CWC27: variants seen among roughly 807,000 people sequenced by gnomAD.
The protein encoded by CWC27 is spliceosome-associated protein CWC27 homolog.
A neutral mutation model predicts 63.6 loss-of-function variants in CWC27; 47 were observed. The observed-to-expected ratio is 0.74, with a 90% CI of 0.58 to 0.94. The LOEUF (loss-of-function observed/expected upper bound fraction) is 0.94. CWC27 is among the 40% of genes least tolerant of loss of function. The pLI is 0.00. For synonymous variants in CWC27, 175 were observed against 179.8 expected (o/e 0.97, Z 0.22); for missense variants, 495 against 554.3 (o/e 0.89, Z 1.07).
chr5:64,944,621 G>A (rs962491518), intron 11 of CWC27, among the ~76,000 whole-genome samples: 1 of 152,134 alleles, frequency 6.6e-6, no homozygotes, highest in Admixed American at 6.5e-5. Context: ...CCCTGTCTCA[G>A]TTAATTTTGG....
chr5:64,932,538 A>G (rs1748259389), intron 11 of CWC27, among the ~76,000 whole-genome samples: 1 of 152,160 alleles, frequency 6.6e-6, no homozygotes, highest in African/African-American at 2.4e-5. Context: ...CTTACTTGAC[A>G]TTGTTTAGAA....
At chr5:64,927,692 C>T (rs1173246388) in intron 11 of CWC27, among the ~76,000 whole-genome samples, 1 of 152,110 alleles carries the variant, frequency 6.6e-6, no homozygotes, top group Non-Finnish European at 1.5e-5. Context: ...CTTCCCTGAC[C>T]TCAAAGAATT....
intron 13 of CWC27, among the ~76,000 whole-genome samples, chr5:64,985,007 T>C (rs1353558405): frequency 6.6e-6 from 1 of 152,222 alleles, no homozygotes; most frequent in Non-Finnish European, 1.5e-5. Context: ...TTTCTTCATA[T>C]GGATGTCCAA....
rs1386203717 is a variant in CWC27 at position 64,900,988 on chromosome 5, CT to C, written c.1042+15448del. Among the ~76,000 whole-genome samples the C allele has an allele frequency of 5.3e-5, 8 of 151,292 alleles. No homozygotes were observed. The East Asian group carries it at 1.2e-3, about 22-fold the overall frequency. On this transcript the variant is annotated intron_variant, in intron 11 of 13. Transcript: ENST00000381070. ...TAAACCTTCTTAAAACATTATGAGA[CT>C]TTTTTGTGATTTTTTTTTTTTAGCT...
chr5:64,892,284 G>A (rs1747257515), intron 11 of CWC27, among the ~76,000 whole-genome samples: 1 of 151,820 alleles, frequency 6.6e-6, no homozygotes, highest in Non-Finnish European at 1.5e-5. Flanking sequence ...TAATATCTGT[G>A]TCATTCCTGA....
chr5:64,941,692 A>AT (rs1369393841), intron 11 of CWC27, among the ~76,000 whole-genome samples: 1 of 152,012 alleles, frequency 6.6e-6, no homozygotes, highest in Non-Finnish European at 1.5e-5. Flanking sequence ...TTACACTTTC[A>AT]TTTTTTAAAT....
intron 13 of CWC27, among the ~76,000 whole-genome samples, chr5:64,992,810 G>T (rs1749561822): frequency 6.6e-6 from 1 of 151,898 alleles, no homozygotes; most frequent in Non-Finnish European, 1.5e-5. Context: ...TGGGATTACA[G>T]GCGTGAGCCA....
At position 64,840,387 on chromosome 5, in the gene CWC27, AAAAAAAAATATATATATATATATATATAT is replaced by A. The variant is rs1325678547; in HGVS notation, c.938+36003_938+36031del. 4.2e-3 allele frequency among the ~76,000 whole-genome samples: 222 copies of A among 52,928 alleles called. 9 individuals are homozygous for A. The highest frequency in any genetic ancestry group is 0.01 in the East Asian group (21 of 2,070). The allele number at this position is 52,928 out of a possible 152,430, so 34.7% of individuals were successfully genotyped here. A position where few individuals can be genotyped will look rare whatever the true frequency, so the allele number is the denominator to read the frequency against. On this transcript the variant is annotated intron_variant, in intron 10 of 13. Coordinates refer to ENST00000381070, the MANE Select transcript of CWC27 (RefSeq NM_005869.4). ...TAAAAAAAAAAAAAAAAAAAAAAAA[AAAAAAAAATATATATATATATATATATAT>A]ATATATATATATATACTTATTAAGG...
chr5:64,803,101 A>G (rs556313087), intron 9 of CWC27, among the ~76,000 whole-genome samples: 40 of 152,292 alleles, frequency 2.6e-4, no homozygotes, highest in African/African-American at 9.4e-4. Context: ...TTTTGGTTCA[A>G]TAAGTCTGCA....
intron 7 of CWC27, among the ~76,000 whole-genome samples, chr5:64,792,829 C>T (rs1744128629): frequency 6.6e-6 from 1 of 152,242 alleles, no homozygotes; most frequent in Middle Eastern, 3.4e-3. Context: ...TCCCCTGACA[C>T]CCTGTGAGCT....
intron 13 of CWC27, among the ~76,000 whole-genome samples, chr5:64,983,191 A>G (rs1309571): frequency 0.013 from 1,995 of 152,316 alleles, 24 homozygotes; most frequent in Non-Finnish European, 0.021. Context: ...GAATATATCT[A>G]TTAATAATAT....
At chr5:64,779,356 A>T (rs982383625) in intron 2 of CWC27, among the ~76,000 whole-genome samples, 5 of 152,098 alleles carry the variant, frequency 3.3e-5, no homozygotes, top group Non-Finnish European at 7.4e-5. Context: ...CTTTGTTGCT[A>T]TTTGCTTTTT....
chr5:64,870,005 A>T (rs1580690613), intron 10 of CWC27, among the ~76,000 whole-genome samples: 1 of 152,208 alleles, frequency 6.6e-6, no homozygotes, highest in African/African-American at 2.4e-5. Flanking sequence ...AATGAGAGTG[A>T]AAAGGTATTA....
At chr5:64,980,442 A>G (rs950216455) in intron 13 of CWC27, among the ~76,000 whole-genome samples, 10 of 152,196 alleles carry the variant, frequency 6.6e-5, no homozygotes, top group Non-Finnish European at 1.5e-4. Context: ...AAAGATAGCC[A>G]CCTGCTCCTT....
chr5:64,898,998 G>C (rs1580712734), intron 11 of CWC27, among the ~76,000 whole-genome samples: 1 of 152,238 alleles, frequency 6.6e-6, no homozygotes, highest in Middle Eastern at 3.4e-3. Context: ...AAATCACATG[G>C]CCATACCTAG....
chr5:64,886,772 A>G (rs1311933743), intron 11 of CWC27, among the ~76,000 whole-genome samples: 1 of 152,148 alleles, frequency 6.6e-6, no homozygotes, highest in Non-Finnish European at 1.5e-5. Context: ...TGAATGAAAC[A>G]TTATTTAAAA....
intron 11 of CWC27, among the ~76,000 whole-genome samples, chr5:64,895,270 A>C (rs1747343286): frequency 6.6e-6 from 1 of 152,062 alleles, no homozygotes; most frequent in Non-Finnish European, 1.5e-5. Flanking sequence ...ATAGCATATG[A>C]TATGTGAAAA....
chr5:64,911,844 G>A (rs1038783846), intron 11 of CWC27, among the ~76,000 whole-genome samples: 1 of 152,138 alleles, frequency 6.6e-6, no homozygotes, highest in Admixed American at 6.5e-5. Context: ...GGAGGCCGAG[G>A]TGGGCGGATC....
intron 11 of CWC27, among the ~76,000 whole-genome samples, chr5:64,912,631 T>C (rs1468856225): frequency 6.6e-6 from 1 of 152,210 alleles, no homozygotes; most frequent in Non-Finnish European, 1.5e-5. Context: ...TGATAAACTC[T>C]TAATGAGTTT....
Sources: gnomAD v4.1 joint callset for allele counts (sites outside exome capture counted in the v4.1 genomes callset) on GRCh38, gnomAD v4.1.1 for gene constraint, MANE v1.5 for transcripts, NCBI Gene and HGNC (gene_info 2026-07-23, HGNC 2026-07-21) for gene names.